Variants in DNAH3 observed in about 807,000 individuals in gnomAD.
DNAH3 encodes dynein axonemal heavy chain 3.
A neutral mutation model predicts 432.5 loss-of-function variants in DNAH3; 332 were observed. That is an observed-to-expected ratio of 0.77 (90% CI 0.70 to 0.84). The LOEUF (loss-of-function observed/expected upper bound fraction) is 0.84. Ranked by LOEUF, DNAH3 falls within the 40% of genes least tolerant of loss-of-function variation. DNAH3 has a pLI of 0.00. For synonymous variants in DNAH3, 1,956 were observed against 1,900.2 expected (o/e 1.03, Z -0.76); for missense variants, 4,861 against 5,114.0 (o/e 0.95, Z 1.51).
intron 28 of DNAH3, among the ~76,000 whole-genome samples, chr16:21,052,136 C>T (rs1036436350): frequency 6.6e-5 from 10 of 152,070 alleles, no homozygotes; most frequent in South Asian, 2.1e-4. Flanking sequence ...GGATTATAGG[C>T]GCACGCCACC....
rs540402571 is a variant in DNAH3 at position 20,978,799 on chromosome 16, A to T, written c.8076+531T>A. 1.1e-4 allele frequency among the ~76,000 whole-genome samples: 17 copies of T among 151,800 alleles called. No individual in the cohort carries two copies. In the South Asian group the frequency reaches 3.5e-3, roughly 32 times the overall value. On this transcript the variant is annotated intron_variant, in intron 50 of 61. Coordinates refer to ENST00000261383, the Ensembl canonical transcript of DNAH3. The stretch of plus-strand genomic sequence containing the variant: ...GCCTCAACTGATCCTCCCGGCTTTG[A>T]CCTCCCAAATGCTGGGATTACAGAC...
chr16:20,979,195 A>G (rs962407543), intron 50 of DNAH3, 135 bp downstream of exon 50: 1 of 713,314 alleles, frequency 1.4e-6, no homozygotes. Flanking sequence ...TGATGTAGGT[A>G]AGGTAAGCTC....
intron 6 of DNAH3, 61 bp downstream of exon 7, chr16:21,136,263 A>C: frequency 6.7e-7 from 1 of 1,483,848 alleles, no homozygotes. Context: ...AAATAAAAAT[A>C]AAAAAGAAGG....
Position 21,120,746 on chromosome 16 carries a change from TTGCAGTGGCAGCCGCG to T in DNAH3, c.1677_1692del (p.His559GlnfsTer5). Reference sequence around the variant, plus strand: ...GTAGTACCGGCCCTGGTACCTGCCATTGCAGTGGCAGCCGCGTGCATGCTGGGCTCTCCTGGCTCAG... The same window carrying T: ...GTAGTACCGGCCCTGGTACCTGCCATTGCATGCTGGGCTCTCCTGGCTCAG... On this transcript the variant is annotated frameshift_variant, in exon 11 of 62. Transcript: ENST00000261383. LOFTEE classifies it high-confidence loss of function. 4 of 1,609,368 alleles carry T rather than the reference TTGCAGTGGCAGCCGCG, an allele frequency of 2.5e-6. No homozygotes were observed. Among genetic ancestry groups the T allele is most frequent in the Non-Finnish European group, 3.4e-6 (4 of 1,175,666 alleles).
chr16:21,056,275 C>G (rs1271164191), intron 27 of DNAH3, among the ~76,000 whole-genome samples: 1 of 152,144 alleles, frequency 6.6e-6, no homozygotes, highest in Non-Finnish European at 1.5e-5. Flanking sequence ...CTAATCCCTA[C>G]TTATATTTCA....
intron 41 of DNAH3, among the ~76,000 whole-genome samples, chr16:21,008,158 T>C (rs914242193): frequency 1.3e-5 from 2 of 152,194 alleles, no homozygotes; most frequent in Non-Finnish European, 2.9e-5. Context: ...ATTTTCTGGC[T>C]CTTGGTTCAT....
intron 58 of DNAH3, 71 bp downstream of exon 58, chr16:20,944,425 A>G: frequency 6.4e-7 from 1 of 1,568,914 alleles, no homozygotes; most frequent in Non-Finnish European, 8.7e-7. Context: ...TCACCCTCCA[A>G]TCCTGTGTGC....
chr16:21,142,798 C>A (rs1264788202), intron 3 of DNAH3, among the ~76,000 whole-genome samples: 5 of 151,912 alleles, frequency 3.3e-5, no homozygotes, highest in Non-Finnish European at 7.4e-5. Context: ...GGAGTACAGG[C>A]GCATGCCACC....
intron 20 of DNAH3, among the ~76,000 whole-genome samples, chr16:21,077,852 G>A (rs144261154): frequency 1.3e-5 from 2 of 152,288 alleles, no homozygotes; most frequent in African/African-American, 4.8e-5. Context: ...CAAGTGACAT[G>A]TCCAAAATCA....
exon 36 of DNAH3, chr16:21,033,978 G>T: frequency 1.2e-6 from 2 of 1,612,174 alleles, no homozygotes; most frequent in Non-Finnish European, 1.7e-6. Context: ...CTTTACCTGC[G>T]TGTAAATCGC....
rs576219829 is a variant in DNAH3, at chr16:20,948,627, A to G, written c.11199T>C (p.Asn3733=). The G allele has an allele frequency of 2.0e-5, 33 of 1,614,102 alleles. 1 individual carries two copies. In the East Asian group the frequency reaches 4.2e-4, roughly 21 times the overall value. The change falls in exon 57 of 62, where the codon AAT becomes AAC. Residue 3733 remains asparagine, a synonymous_variant. Transcript: ENST00000261383. ...TGTCATCAGTCACTCTGCCTCCGTA[A>G]TTACATTCCCCTGGGGACAACCAAC...
rs575718631 is a variant in DNAH3 at position 20,999,124 on chromosome 16, A to G, written c.6421+1100T>C. Among the ~76,000 whole-genome samples the G allele has an allele frequency of 1.1e-4, 17 of 152,210 alleles. 1 individual carries two copies. The highest frequency in any genetic ancestry group is 4.1e-4 in the African/African-American group (17 of 41,524). On this transcript the variant is annotated intron_variant, in intron 43 of 61. Coordinates refer to ENST00000261383, the Ensembl canonical transcript of DNAH3. ...GGAAAAATTAGCCAAGAGTGGTGGC[A>G]TGTGCCTGTAGTCCCAGCTTCTTGG...
intron 41 of DNAH3, among the ~76,000 whole-genome samples, chr16:21,009,833 C>T (rs1306821160): frequency 3.4e-5 from 5 of 146,674 alleles, no homozygotes; most frequent in African/African-American, 4.9e-5. Context: ...CGTGATGAGC[C>T]GTGACTACGC....
chr16:21,018,310 C>T (rs2087966882), intron 41 of DNAH3, among the ~76,000 whole-genome samples: 1 of 152,068 alleles, frequency 6.6e-6, no homozygotes, highest in African/African-American at 2.4e-5. Context: ...TAGTATGATC[C>T]TCTTTTTGTT....
chr16:20,987,479 G>A (rs762825843), intron 46 of DNAH3, 31 bp from the exon 47 acceptor site: 1 of 1,612,704 alleles, frequency 6.2e-7, no homozygotes, highest in South Asian at 1.1e-5. Flanking sequence ...ATTCAAACGA[G>A]TGGAAGATGG....
At chr16:21,086,814 G>A in intron 19 of DNAH3, 35 bp downstream of exon 19, 5 of 1,590,610 alleles carry the variant, frequency 3.1e-6, no homozygotes, top group Non-Finnish European at 4.3e-6. Flanking sequence ...GGCCTGGGCT[G>A]CGCTGCTTGG....
At position 21,064,860 on chromosome 16, in the gene DNAH3, G is replaced by GGTGTGTGT. The variant is rs369066790; in HGVS notation, c.3519-2185_3519-2178dup. On this transcript the variant is annotated intron_variant, in intron 24 of 61. Transcript: ENST00000261383. The stretch of plus-strand genomic sequence containing the variant: ...ATAAAAATGCATAAATATTGAGGTA[G>GGTGTGTGT]GTGTGTGTGTGTGTGTGTGTGTGTG... Among the ~76,000 whole-genome samples the GGTGTGTGT allele has an allele frequency of 5.1e-3, 677 of 131,770 alleles. 6 individuals are homozygous for GGTGTGTGT. Among genetic ancestry groups the GGTGTGTGT allele is most frequent in the African/African-American group, 0.017 (612 of 37,054 alleles). 86.4% of individuals were successfully genotyped at this position (131,770 alleles called of 152,430 possible).
At chr16:20,966,881 T>C (rs1456432140) in intron 52 of DNAH3, among the ~76,000 whole-genome samples, 1 of 152,174 alleles carries the variant, frequency 6.6e-6, no homozygotes, top group Admixed American at 6.5e-5. Context: ...AGACTACCCG[T>C]GGCCTGCCCA....
chr16:20,952,995 C>T (rs1596926318), intron 55 of DNAH3, among the ~76,000 whole-genome samples: 2 of 152,192 alleles, frequency 1.3e-5, no homozygotes, highest in South Asian at 4.1e-4. Flanking sequence ...AATGACCACT[C>T]GTATTTCCAA....
Sources: gnomAD v4.1 joint callset for allele counts (sites outside exome capture counted in the v4.1 genomes callset) on GRCh38, gnomAD v4.1.1 for gene constraint, MANE v1.5 for transcripts, NCBI Gene and HGNC (gene_info 2026-07-23, HGNC 2026-07-21) for gene names.